The following PTER variants were observed in gnomAD, a reference collection of about 807,000 sequenced individuals.
PTER encodes the protein N-acetyltaurine hydrolase.
PTER carries 38 observed loss-of-function variants against 29.6 expected under a neutral mutation model. The ratio of observed to expected loss-of-function variants is 1.28; its 90% confidence interval spans 0.99 to 1.68. The LOEUF is 1.68. PTER is among the 40% of genes most tolerant of loss of function. PTER has a pLI of 0.00. For synonymous variants in PTER, 172 were observed against 154.5 expected (o/e 1.11, Z -0.84); for missense variants, 482 against 427.8 (o/e 1.13, Z -1.12).
At chr10:16,440,186 C>T (rs1833797098) in intron 1 of PTER, among the ~76,000 whole-genome samples, 1 of 151,448 alleles carries the variant, frequency 6.6e-6, no homozygotes, top group Non-Finnish European at 1.5e-5. Context: ...CTGCATCAGC[C>T]TCCCAACTAG....
intron 1 of PTER, among the ~76,000 whole-genome samples, chr10:16,478,064 C>T (rs1248933403): frequency 3.9e-5 from 6 of 152,154 alleles, no homozygotes; most frequent in South Asian, 2.1e-4. Context: ...GTTTCACTCT[C>T]AGGAATATAT....
intron 3 of PTER, among the ~76,000 whole-genome samples, chr10:16,496,535 A>G (rs1360022055): frequency 6.6e-6 from 1 of 152,192 alleles, no homozygotes; most frequent in East Asian, 1.9e-4. Context: ...TTTCTTCAGA[A>G]TGCAATTCAC....
At chr10:16,473,501 T>C (rs986128519) in intron 1 of PTER, among the ~76,000 whole-genome samples, 7 of 115,286 alleles carry the variant, frequency 6.1e-5, no homozygotes, top group African/African-American at 1.1e-4. Context: ...GCCTGGGTGA[T>C]AGAGTGAGAC....
chr10:16,437,503 A>G (rs1833693588), intron 1 of PTER: 1 of 151,750 alleles, frequency 6.6e-6, no homozygotes, highest in African/African-American at 2.4e-5. Context: ...ACGTGCCACC[A>G]TGTCCGGTTA....
In PTER at chr10:16,451,030, G is replaced by T. The variant is rs184198326; in HGVS notation, c.-49+13983G>T. Among the ~76,000 whole-genome samples the T allele has an allele frequency of 2.6e-5, 4 of 152,260 alleles. No homozygotes were observed. In the East Asian group the frequency reaches 7.7e-4, roughly 29 times the overall value. Reference sequence around the variant, plus strand: ...TCCAGAAACCCCAAAACGCACTAAAGAACTCCATCCTTAAAATTCTGTCTG... The same window carrying T: ...TCCAGAAACCCCAAAACGCACTAAATAACTCCATCCTTAAAATTCTGTCTG... On this transcript the variant is annotated intron_variant, in intron 1 of 4. Coordinates refer to ENST00000535784, the MANE Select transcript of PTER (RefSeq NM_001261836.2).
intron 1 of PTER, among the ~76,000 whole-genome samples, chr10:16,480,647 A>G (rs895810267): frequency 6.6e-6 from 1 of 152,176 alleles, no homozygotes; most frequent in African/African-American, 2.4e-5. Flanking sequence ...ATTCACAGGT[A>G]AAATAGAGTC....
intron 1 of PTER, among the ~76,000 whole-genome samples, chr10:16,445,506 A>AT (rs906415559): frequency 1.3e-5 from 2 of 152,082 alleles, no homozygotes; most frequent in Non-Finnish European, 2.9e-5. Flanking sequence ...TATTTGAGAC[A>AT]TTTTTTATTT....
intron 1 of PTER, among the ~76,000 whole-genome samples, chr10:16,476,327 A>G (rs1393431373): frequency 1.3e-5 from 2 of 152,012 alleles, no homozygotes; most frequent in East Asian, 3.9e-4. Flanking sequence ...TGATCTGCCC[A>G]CCTCGGCCTC....
chr10:16,451,089 T>C (rs1485501357), intron 1 of PTER, among the ~76,000 whole-genome samples: 1 of 152,176 alleles, frequency 6.6e-6, no homozygotes, highest in Non-Finnish European at 1.5e-5. Context: ...GGTAAACCGC[T>C]GGTGTAAGTA....
intron 1 of PTER, among the ~76,000 whole-genome samples, chr10:16,453,183 T>C (rs1028561772): frequency 6.6e-6 from 1 of 152,208 alleles, no homozygotes; most frequent in Non-Finnish European, 1.5e-5. Context: ...TCCAAAGTGC[T>C]GGGATTATAG....
intron 1 of PTER, among the ~76,000 whole-genome samples, chr10:16,452,595 G>A (rs369726613): frequency 4.0e-5 from 6 of 151,590 alleles, no homozygotes; most frequent in Admixed American, 2.0e-4. Context: ...GAACTACTGC[G>A]CCCAGCTGTG....
At chr10:16,485,039 T>C (rs1564401143) in intron 2 of PTER, among the ~76,000 whole-genome samples, 1 of 152,138 alleles carries the variant, frequency 6.6e-6, no homozygotes, top group Non-Finnish European at 1.5e-5. Context: ...ATAATAATAA[T>C]AAGTGTCAAG....
intron 1 of PTER, among the ~76,000 whole-genome samples, chr10:16,470,823 T>C (rs1835021115): frequency 6.6e-6 from 1 of 152,210 alleles, no homozygotes; most frequent in Admixed American, 6.6e-5. Context: ...GGTTTCTTTC[T>C]ATGGTTCTAT....
At chr10:16,473,678 A>G (rs1425515128) in intron 1 of PTER, among the ~76,000 whole-genome samples, 3 of 152,132 alleles carry the variant, frequency 2.0e-5, no homozygotes, top group South Asian at 2.1e-4. Flanking sequence ...AATAAGATGC[A>G]AAGAGATTGC....
intron 1 of PTER, chr10:16,475,989 A>G (rs2133428179): frequency 6.6e-6 from 1 of 152,360 alleles, no homozygotes; most frequent in Admixed American, 6.5e-5. Flanking sequence ...AGTTTAATGT[A>G]TAATCATAAT....
intron 4 of PTER, among the ~76,000 whole-genome samples, chr10:16,510,787 G>A (rs753314465): frequency 1.3e-4 from 20 of 152,078 alleles, no homozygotes; most frequent in Non-Finnish European, 2.1e-4. Context: ...TCTTTAATGC[G>A]GTATTGCCAG....
intron 1 of PTER, among the ~76,000 whole-genome samples, chr10:16,441,284 T>G (rs1833841408): frequency 1.3e-5 from 2 of 152,222 alleles, no homozygotes; most frequent in African/African-American, 4.8e-5. Flanking sequence ...GAAAAGATGA[T>G]TCTTCCCAAA....
chr10:16,440,376 G>A (rs757290684), intron 1 of PTER, among the ~76,000 whole-genome samples: 40 of 151,770 alleles, frequency 2.6e-4, no homozygotes, highest in Non-Finnish European at 4.6e-4. Flanking sequence ...ATAACAAAAG[G>A]CTTCTCATTC....
chr10:16,460,119 T>G (rs568673967), intron 1 of PTER, among the ~76,000 whole-genome samples: 3 of 152,302 alleles, frequency 2.0e-5, no homozygotes, highest in African/African-American at 7.2e-5. Context: ...AGAGTCTTAT[T>G]TTTCTAATTA....
Sources: gnomAD v4.1 joint callset for allele counts (sites outside exome capture counted in the v4.1 genomes callset) on GRCh38, gnomAD v4.1.1 for gene constraint, MANE v1.5 for transcripts, NCBI Gene and HGNC (gene_info 2026-07-23, HGNC 2026-07-21) for gene names.